ITGB1: variants seen among roughly 807,000 people sequenced by gnomAD.
ITGB1 encodes integrin subunit beta 1, also known as integrin beta-1.
A neutral mutation model predicts 86.5 loss-of-function variants in ITGB1; 24 were observed. That is an observed-to-expected ratio of 0.28 (90% CI 0.20 to 0.39). ITGB1 has a LOEUF of 0.39. Among genes scored for constraint, ITGB1 ranks in the 10% least tolerant of loss-of-function variants. The pLI, the probability that ITGB1 is intolerant of heterozygous loss-of-function variation, is 1.00. For missense variants in ITGB1, 556 were observed against 946.9 expected, an observed-to-expected ratio of 0.59 and a Z score of 5.42; for synonymous variants, 323 against 316.8, an observed-to-expected ratio of 1.02 and a Z score of -0.21.
At chr10:32,945,460 G>A (rs534989664) in intron 1 of ITGB1, among the ~76,000 whole-genome samples, 15 of 151,928 alleles carry the variant, frequency 9.9e-5, no homozygotes, top group East Asian at 1.9e-4. Flanking sequence ...TTAGCCGGGC[G>A]TGGTGGCAGG....
At chr10:32,953,957 G>C (rs1240582460) in intron 1 of ITGB1, 2 of 152,062 alleles carry the variant, frequency 1.3e-5, no homozygotes, top group Non-Finnish European at 2.9e-5. Flanking sequence ...GAAGAAACTG[G>C]GGAAGGTAAA....
At chr10:32,904,382 A>C (rs1407649182) in intron 15 of ITGB1, among the ~76,000 whole-genome samples, 1 of 152,202 alleles carries the variant, frequency 6.6e-6, no homozygotes, top group African/African-American at 2.4e-5. Flanking sequence ...AATGGCTGAC[A>C]GTGGTAGCTG....
At chr10:32,931,902 G>C (rs977108610) in intron 3 of ITGB1, among the ~76,000 whole-genome samples, 8 of 152,052 alleles carry the variant, frequency 5.3e-5, no homozygotes, top group African/African-American at 1.9e-4. Flanking sequence ...AGTAGGCTTT[G>C]TGGAAGGTAC....
chr10:32,944,038 G>C (rs535531235), intron 1 of ITGB1, among the ~76,000 whole-genome samples: 1 of 152,184 alleles, frequency 6.6e-6, no homozygotes, highest in Non-Finnish European at 1.5e-5. Flanking sequence ...GGACAGACAA[G>C]AGGGAACAGA....
At chr10:32,939,007 G>A (rs568906259) in intron 1 of ITGB1, among the ~76,000 whole-genome samples, 14 of 152,230 alleles carry the variant, frequency 9.2e-5, no homozygotes, top group African/African-American at 2.6e-4. Flanking sequence ...CTGCACATGC[G>A]CATGGAAGGG....
At chr10:32,953,546 A>G (rs2095046656) in intron 1 of ITGB1, 1 of 48,364 alleles carries the variant, frequency 2.1e-5, no homozygotes, top group African/African-American at 3.9e-5. Flanking sequence ...CTGGTGATAC[A>G]AAAAAAAAAA....
Position 32,905,331 on chromosome 10 carries a change from C to G in ITGB1, c.2331+3037G>C, listed in dbSNP as rs555449113. Among the ~76,000 whole-genome samples the G allele has an allele frequency of 1.1e-4, 17 of 152,318 alleles. No individual in the cohort carries two copies. In the East Asian group the frequency reaches 3.1e-3, roughly 28 times the overall value. The stretch of plus-strand genomic sequence containing the variant: ...ATTAAACATTCCTGTACTGTAGGCT[C>G]TTATTCATGATCAGTTTGTAAGCAC... On this transcript the variant is annotated intron_variant, in intron 15 of 15. Transcript: ENST00000302278.
At chr10:32,935,606 A>G (rs1348598451) in intron 1 of ITGB1, 48 bp from the exon 2 acceptor site, 1 of 1,308,876 alleles carries the variant, frequency 7.6e-7, no homozygotes, top group Non-Finnish European at 1.1e-6. Flanking sequence ...AATAAAATGA[A>G]AAATGCATTA....
chr10:32,919,980 A>C lies in ITGB1; in HGVS notation c.1374T>G (p.Leu458=). 6.2e-7 allele frequency: 1 copy of C among 1,614,038 alleles called. No individual in the cohort carries two copies. Among genetic ancestry groups the C allele is most frequent in the Non-Finnish European group, 8.5e-7 (1 of 1,179,916 alleles). ...GGCATTCACATTCACAGATGTACTG[A>C]AGAATAACCTCTACTTCCTCCGTAA... ...LGFTEEVEVI[L]QYICECECQS... is the part of the protein sequence containing the mutation. The change falls in exon 11 of 16, where the codon CTT becomes CTG. Residue 458 remains leucine, a synonymous_variant. Transcript: ENST00000302278.
At chr10:32,903,817 T>A (rs1246193795) in intron 15 of ITGB1, among the ~76,000 whole-genome samples, 5 of 152,186 alleles carry the variant, frequency 3.3e-5, no homozygotes, top group Non-Finnish European at 4.4e-5. Context: ...TTTTGGCAAC[T>A]ACTATCTTAA....
chr10:32,952,108 A>G (rs1015699163), intron 1 of ITGB1, among the ~76,000 whole-genome samples: 5 of 152,160 alleles, frequency 3.3e-5, no homozygotes, highest in Non-Finnish European at 7.4e-5. Context: ...TAAACATAGG[A>G]AAAAAAGTTT....
rs200016015 is a variant in ITGB1, at chr10:32,922,616, G to A, written c.1038+24C>T. On this transcript the variant is annotated intron_variant, in intron 8 of 15. Coordinates refer to ENST00000302278, the MANE Select transcript of ITGB1 (RefSeq NM_002211.4). ...AACAATCAAAAATGTTTAGAATCTT[G>A]TTCTTTTTATCTCACACATTTACCT... The A allele has an allele frequency of 1.7e-4, 227 of 1,373,286 alleles. 1 individual carries two copies. The South Asian group carries it at 2.6e-3, about 16-fold the overall frequency. The allele number at this position is 1,373,286 out of a possible 1,614,324, so 85.1% of individuals were successfully genotyped here.
chr10:32,923,496 AACCCCAAGCCAGTC>A (rs1168949417), intron 7 of ITGB1, 75 bp downstream of exon 7: 3 of 1,178,014 alleles, frequency 2.5e-6, no homozygotes, highest in Non-Finnish European at 2.4e-6. Context: ...AACCCTGAGA[AACCCCAAGCCAGTC>A]ACCCACAAGC....
intron 1 of ITGB1, among the ~76,000 whole-genome samples, chr10:32,948,293 C>T (rs560117764): frequency 3.3e-5 from 5 of 152,062 alleles, no homozygotes; most frequent in African/African-American, 4.8e-5. Flanking sequence ...AGCAGCAAAA[C>T]CTTAAATATT....
chr10:32,932,376 G>T, intron 3 of ITGB1, 139 bp downstream of exon 3: 1 of 569,828 alleles, frequency 1.8e-6, no homozygotes, highest in Non-Finnish European at 3.2e-6. Context: ...CTACTGTGTT[G>T]AACCACATAG....
chr10:32,911,907 A>G lies in ITGB1; in HGVS notation c.1687T>C (p.Ser563Pro). ...TTACCTCCACAAATTAAGCCATTGG[A>G]TCTATCACAGTTGAAATTATCACAC... ...CECDNFNCDR[S>P]NGLICGGNGV... Residue 563 changes from serine to proline, a missense_variant, in exon 12 of 16, where the codon TCC becomes CCC. This residue lies in a region of ITGB1 where 330 missense variants were observed against 531.5 expected (regional missense o/e 0.62). Transcript: ENST00000302278. The G allele has an allele frequency of 6.2e-7, 1 of 1,612,994 alleles. No individual in the cohort carries two copies. Among genetic ancestry groups the G allele is most frequent in the Non-Finnish European group, 8.5e-7 (1 of 1,179,448 alleles).
chr10:32,912,206 TA>T, intron 11 of ITGB1, 82 bp from the exon 12 acceptor site: 1 of 1,063,250 alleles, frequency 9.4e-7, no homozygotes, highest in Non-Finnish European at 1.4e-6. Flanking sequence ...GGAACAGCTC[TA>T]GTCTACAGCT....
intron 15 of ITGB1, among the ~76,000 whole-genome samples, chr10:32,902,600 T>C (rs1371621267): frequency 6.6e-6 from 1 of 152,176 alleles, no homozygotes; most frequent in Non-Finnish European, 1.5e-5. Flanking sequence ...CCAGGGAAAT[T>C]TTTTTTAAGA....
intron 1 of ITGB1, among the ~76,000 whole-genome samples, chr10:32,941,695 T>C (rs1050894571): frequency 2.6e-5 from 4 of 152,118 alleles, no homozygotes; most frequent in Admixed American, 2.0e-4. Context: ...CAGAATTTAC[T>C]GCAAAGGTTC....
Sources: allele counts gnomAD v4.1 joint callset (sites outside exome capture counted in the v4.1 genomes callset), GRCh38; gene constraint gnomAD v4.1.1; regional missense constraint gnomAD v4.1.1; transcripts MANE v1.5; gene names NCBI Gene and HGNC (gene_info 2026-07-23, HGNC 2026-07-21).